Variants in HRH1 observed in about 807,000 individuals in gnomAD.
HRH1 encodes the protein histamine receptor H1.
Under a neutral mutation model 10.3 loss-of-function variants are expected in HRH1, and 6 were observed. The ratio of observed to expected loss-of-function variants is 0.58; its 90% CI spans 0.32 to 1.15. HRH1 has a LOEUF of 1.15. Among genes scored for constraint, HRH1 ranks in the 50% most tolerant of loss-of-function variants. HRH1 has a pLI of 0.05. For missense variants in HRH1, 514 were observed against 615.3 expected, an observed-to-expected ratio of 0.84 and a Z score of 1.74; for synonymous variants, 242 against 236.7, an observed-to-expected ratio of 1.02 and a Z score of -0.21.
chr3:11,155,518 T>TC (rs2125005567), intron 1 of HRH1, among the ~76,000 whole-genome samples: 1 of 152,254 alleles, frequency 6.6e-6, no homozygotes, highest in South Asian at 2.1e-4. Context: ...CCCTCCTGAT[T>TC]CCCTGATCCC....
intron 1 of HRH1, among the ~76,000 whole-genome samples, chr3:11,216,073 G>C (rs1938482187): frequency 6.6e-6 from 1 of 152,218 alleles, no homozygotes; most frequent in Non-Finnish European, 1.5e-5. Flanking sequence ...CTATTAGAGG[G>C]AACATTACCT....
Position 11,260,038 on chromosome 3 carries a change from A to G in HRH1, c.1001A>G (p.Asp334Gly), listed in dbSNP as rs778319318. 5 of 1,614,072 alleles carry G rather than the reference A, an allele frequency of 3.1e-6. No homozygotes were observed. The Admixed American group carries it at 6.7e-5, about 22-fold the overall frequency. Reference sequence around the variant, plus strand: ...CGGAGCCATGGCCAGCTCAAGACAGATGAGCAGGGCCTGAACACACATGGG... The same window carrying G: ...CGGAGCCATGGCCAGCTCAAGACAGGTGAGCAGGGCCTGAACACACATGGG... ...VNRSHGQLKT[D>G]EQGLNTHGAS... is the part of the protein sequence containing the mutation. Residue 334 changes from aspartate (D) to glycine (G), a missense_variant, in exon 2 of 2, where the codon GAT (aspartate) becomes GGT (glycine). Transcript: ENST00000431010.
At chr3:11,232,841 C>A (rs568374247) in intron 1 of HRH1, among the ~76,000 whole-genome samples, 9 of 152,178 alleles carry the variant, frequency 5.9e-5, no homozygotes, top group Non-Finnish European at 1.0e-4. Context: ...TGTACAAGTT[C>A]GTCTGAGAAT....
chr3:11,151,703 G>A (rs1007853425), upstream of HRH1, among the ~76,000 whole-genome samples: 74 of 152,056 alleles, frequency 4.9e-4, 1 homozygote, highest in Non-Finnish European at 1.5e-5. Context: ...TCCTCCCCGT[G>A]TTTCCCAGGC....
chr3:11,184,948 T>A (rs384162), intron 1 of HRH1, among the ~76,000 whole-genome samples: 67,813 of 148,464 alleles, frequency 0.46, 17,108 homozygotes, highest in African/African-American at 0.67. Flanking sequence ...ATCAGGCTAA[T>A]TTTGATAGGC....
At chr3:11,212,569 T>C (rs1376601602) in intron 1 of HRH1, among the ~76,000 whole-genome samples, 2 of 152,170 alleles carry the variant, frequency 1.3e-5, no homozygotes, top group African/African-American at 2.4e-5. Flanking sequence ...ACCAAGGCAA[T>C]GGGCACTTTT....
At chr3:11,166,183 G>C (rs1213642922) in intron 1 of HRH1, among the ~76,000 whole-genome samples, 1 of 152,080 alleles carries the variant, frequency 6.6e-6, no homozygotes, top group Non-Finnish European at 1.5e-5. Context: ...TTGAGTTGTA[G>C]ACTTAAAACA....
Position 11,262,104 on chromosome 3 carries a change from A to G in HRH1, c.*1603A>G, listed in dbSNP as rs201228107. ...CAAAAACTAGTAAAGACATAGGAAC[A>G]TGTAGTTTTACTTGGTGTTTATGTT... On this transcript the variant is annotated 3_prime_UTR_variant, in exon 2 of 2. Transcript: ENST00000431010. 6.0e-6 allele frequency: 1 copy of G among 167,098 alleles called. No homozygotes were observed. The highest frequency in any genetic ancestry group is 1.5e-5 in the Non-Finnish European group (1 of 68,130). 10.4% of individuals were successfully genotyped at this position (167,098 alleles called of 1,614,324 possible). A position where few individuals can be genotyped will look rare whatever the true frequency, so the allele number is the denominator to read the frequency against.
intron 1 of HRH1, among the ~76,000 whole-genome samples, chr3:11,222,728 G>C (rs547441630): frequency 9.3e-4 from 142 of 152,120 alleles, no homozygotes; most frequent in African/African-American, 3.0e-3. Flanking sequence ...TAGACCCAGG[G>C]GGCGTTTAGA....
chr3:11,188,731 A>T (rs1391044083), intron 1 of HRH1, among the ~76,000 whole-genome samples: 1 of 152,232 alleles, frequency 6.6e-6, no homozygotes, highest in Admixed American at 6.5e-5. Flanking sequence ...ATTAAAAGTC[A>T]CGTTCTTGAA....
At chr3:11,167,808 C>G (rs1056679035) in intron 1 of HRH1, among the ~76,000 whole-genome samples, 2 of 152,238 alleles carry the variant, frequency 1.3e-5, no homozygotes, top group African/African-American at 4.8e-5. Flanking sequence ...GTGCTCAGCT[C>G]TCCTGAGAGG....
chr3:11,184,462 G>A (rs1237424948), intron 1 of HRH1, among the ~76,000 whole-genome samples: 1 of 152,080 alleles, frequency 6.6e-6, no homozygotes, highest in Admixed American at 6.6e-5. Flanking sequence ...GGCCAGTGGA[G>A]CACAGCCTAC....
chr3:11,236,158 A>G (rs1337046913), intron 1 of HRH1, among the ~76,000 whole-genome samples: 4 of 152,230 alleles, frequency 2.6e-5, no homozygotes, highest in African/African-American at 9.6e-5. Context: ...AATATGTTTT[A>G]AAAGCTTTTG....
chr3:11,215,979 A>G (rs1188042587), intron 1 of HRH1, among the ~76,000 whole-genome samples: 1 of 152,158 alleles, frequency 6.6e-6, no homozygotes, highest in Non-Finnish European at 1.5e-5. Context: ...AATATTTTAA[A>G]TGGCTACGTG....
chr3:11,179,825 C>T (rs1937318885), intron 1 of HRH1, among the ~76,000 whole-genome samples: 1 of 149,118 alleles, frequency 6.7e-6, no homozygotes, highest in Non-Finnish European at 1.5e-5. Flanking sequence ...GGCTGGAGTG[C>T]AGTGGCAGGA....
intron 1 of HRH1, among the ~76,000 whole-genome samples, chr3:11,251,275 G>A (rs762818585): frequency 7.9e-5 from 12 of 152,074 alleles, no homozygotes; most frequent in African/African-American, 1.4e-4. Flanking sequence ...CTCTTCTGGC[G>A]GCTGTAAGTT....
intron 1 of HRH1, among the ~76,000 whole-genome samples, chr3:11,183,071 T>G (rs1937387945): frequency 6.6e-6 from 1 of 152,250 alleles, no homozygotes; most frequent in Admixed American, 6.5e-5. Context: ...CCTGGCCATC[T>G]CTGATGCTTT....
chr3:11,144,618 G>C (rs1439514596), intron 1 of HRH1, among the ~76,000 whole-genome samples: 2 of 151,604 alleles, frequency 1.3e-5, no homozygotes, highest in Non-Finnish European at 2.9e-5. Flanking sequence ...ACAGCCCAGA[G>C]ATGGGGTCAT....
chr3:11,162,774 T>G (rs1936951382), intron 1 of HRH1, among the ~76,000 whole-genome samples: 3 of 152,180 alleles, frequency 2.0e-5, no homozygotes, highest in Admixed American at 2.0e-4. Context: ...GGTGGCTATG[T>G]GTGGTGAGGC....
Sources: gnomAD v4.1 joint callset for allele counts (sites outside exome capture counted in the v4.1 genomes callset) on GRCh38, gnomAD v4.1.1 for gene constraint, MANE v1.5 for transcripts, NCBI Gene and HGNC (gene_info 2026-07-23, HGNC 2026-07-21) for gene names.